Variants in KSR2 observed in about 807,000 individuals in gnomAD.
KSR2 encodes the protein kinase suppressor of ras 2.
KSR2 carries 25 observed loss-of-function variants against 107.8 expected under a neutral mutation model. The ratio of observed to expected loss-of-function variants is 0.23; its 90% CI spans 0.17 to 0.32. The LOEUF is 0.32. KSR2 is among the 10% of genes least tolerant of loss of function. KSR2 has a pLI of 1.00. For synonymous variants in KSR2, 480 were observed against 507.0 expected (o/e 0.95, Z 0.71); for missense variants, 887 against 1,268.9 (o/e 0.70, Z 4.57).
intron 14 of KSR2, among the ~76,000 whole-genome samples, chr12:117,485,983 T>C (rs924246044): frequency 2.0e-5 from 3 of 152,170 alleles, no homozygotes; most frequent in Non-Finnish European, 4.4e-5. Context: ...TCCCAGAGGC[T>C]CACAGGTGGA....
At chr12:117,531,567 A>T in intron 11 of KSR2, 99 bp downstream of exon 11, 1 of 1,005,222 alleles carries the variant, frequency 9.9e-7, no homozygotes, top group Non-Finnish European at 1.5e-6. Flanking sequence ...CTTTGATCTT[A>T]GGCACCCCCA....
chr12:117,927,313 T>C (rs1389453178), intron 1 of KSR2, among the ~76,000 whole-genome samples: 1 of 151,570 alleles, frequency 6.6e-6, no homozygotes, highest in Non-Finnish European at 1.5e-5. Flanking sequence ...GAGATGAAGG[T>C]TGAAGTGTGC....
intron 4 of KSR2, among the ~76,000 whole-genome samples, chr12:117,714,006 A>G (rs1368130136): frequency 6.6e-6 from 1 of 151,870 alleles, no homozygotes; most frequent in Non-Finnish European, 1.5e-5. Flanking sequence ...TTTCTCATTC[A>G]TCTAAGAGGT....
chr12:117,621,750 T>A (rs543812351), intron 5 of KSR2, among the ~76,000 whole-genome samples: 1 of 152,300 alleles, frequency 6.6e-6, no homozygotes, highest in African/African-American at 2.4e-5. Context: ...ACATAGGAAC[T>A]CTATACTATT....
intron 3 of KSR2, among the ~76,000 whole-genome samples, chr12:117,771,337 T>C (rs1176667026): frequency 6.6e-6 from 1 of 152,148 alleles, no homozygotes; most frequent in Non-Finnish European, 1.5e-5. Flanking sequence ...GCCCCCTCCC[T>C]GCTTGAGTTG....
chr12:117,549,793 A>G (rs1226932049), intron 9 of KSR2, among the ~76,000 whole-genome samples: 1 of 152,212 alleles, frequency 6.6e-6, no homozygotes, highest in Non-Finnish European at 1.5e-5. Flanking sequence ...GAATGAATGA[A>G]TGAACTAAGC....
chr12:117,883,875 C>CAAA (rs34939587), intron 1 of KSR2, among the ~76,000 whole-genome samples: 12 of 93,774 alleles, frequency 1.3e-4, no homozygotes, highest in East Asian at 6.5e-4. Flanking sequence ...GTCTCCATCT[C>CAAA]AAAAAAAAAA....
chr12:117,911,791 AAACTCTCAATCG>A (rs1895024015), intron 1 of KSR2, among the ~76,000 whole-genome samples: 3 of 77,108 alleles, frequency 3.9e-5, no homozygotes, highest in Admixed American at 1.8e-4. Flanking sequence ...TGAGGATCGC[AAACTCTCAATCG>A]CTACAGGCAT....
At chr12:117,724,514 G>T (rs1034522777) in intron 4 of KSR2, among the ~76,000 whole-genome samples, 2 of 151,928 alleles carry the variant, frequency 1.3e-5, no homozygotes, top group African/African-American at 2.4e-5. Context: ...GAGACTTTAG[G>T]TGGCTTTGCT....
intron 3 of KSR2, among the ~76,000 whole-genome samples, chr12:117,835,069 T>C (rs1317629077): frequency 6.6e-6 from 1 of 152,022 alleles, no homozygotes; most frequent in East Asian, 1.9e-4. Flanking sequence ...TTATGGGCCA[T>C]CCATCCTGTC....
chr12:117,702,884 T>C (rs184798583), intron 4 of KSR2, among the ~76,000 whole-genome samples: 13 of 152,338 alleles, frequency 8.5e-5, no homozygotes, highest in African/African-American at 3.1e-4. Context: ...GCTAAGTTAT[T>C]ACATGTTTGG....
intron 12 of KSR2, among the ~76,000 whole-genome samples, chr12:117,528,892 T>C (rs1365328244): frequency 6.6e-6 from 1 of 152,232 alleles, no homozygotes; most frequent in Non-Finnish European, 1.5e-5. Context: ...ATTGACTCTG[T>C]TTTTCGCTGG....
chr12:117,909,524 T>C (rs781099892), intron 1 of KSR2, among the ~76,000 whole-genome samples: 5 of 152,242 alleles, frequency 3.3e-5, no homozygotes, highest in Non-Finnish European at 5.9e-5. Context: ...GGGAACATTT[T>C]AGCTGGTGCA....
intron 10 of KSR2, among the ~76,000 whole-genome samples, chr12:117,535,219 A>G (rs1875954990): frequency 6.6e-6 from 1 of 152,232 alleles, no homozygotes. Context: ...TTTGAAGAGA[A>G]AAAACTGCAG....
intron 4 of KSR2, among the ~76,000 whole-genome samples, chr12:117,671,393 A>G (rs1884901312): frequency 6.6e-6 from 1 of 152,318 alleles, no homozygotes; most frequent in African/African-American, 2.4e-5. Flanking sequence ...ATTGATGGCA[A>G]CAGTTTCCTA....
chr12:117,807,233 G>A (rs1309520104), intron 3 of KSR2, among the ~76,000 whole-genome samples: 1 of 152,134 alleles, frequency 6.6e-6, no homozygotes, highest in African/African-American at 2.4e-5. Context: ...GGGCCTCTTG[G>A]AAACCGAGTG....
At chr12:117,700,176 G>A (rs796648118) in intron 4 of KSR2, among the ~76,000 whole-genome samples, 4 of 151,952 alleles carry the variant, frequency 2.6e-5, no homozygotes, top group South Asian at 2.1e-4. Flanking sequence ...GACCACCATC[G>A]TATATGCAGT....
intron 1 of KSR2, among the ~76,000 whole-genome samples, chr12:117,911,900 C>T (rs893101961): frequency 6.6e-6 from 1 of 152,206 alleles, no homozygotes; most frequent in African/African-American, 2.4e-5. Flanking sequence ...GCCAGGAGAA[C>T]CACTTGCCCT....
rs1167399709 is a variant in KSR2, at chr12:117,687,722, G to A, written c.987-20064C>T. Among the ~76,000 whole-genome samples the A allele has an allele frequency of 4.0e-5, 6 of 151,864 alleles. No homozygotes were observed. The East Asian group carries it at 5.8e-4, about 15-fold the overall frequency. ...CAACCTTATTGGGGGTGTCAACTAG[G>A]GTACACTGCCTTCCCCTAACTCACC... On this transcript the variant is annotated intron_variant, in intron 4 of 19. Coordinates refer to ENST00000339824, the MANE Select transcript of KSR2 (RefSeq NM_173598.6).
Sources: gnomAD v4.1 joint callset for allele counts (sites outside exome capture counted in the v4.1 genomes callset) on GRCh38, gnomAD v4.1.1 for gene constraint, MANE v1.5 for transcripts, NCBI Gene and HGNC (gene_info 2026-07-23, HGNC 2026-07-21) for gene names.